The following CFAP221 variants were observed in gnomAD, a reference collection of about 807,000 sequenced individuals.
The protein encoded by CFAP221 is cilia and flagella associated protein 221, also known as cilia- and flagella-associated protein 221.
A neutral mutation model predicts 113.1 loss-of-function variants in CFAP221; 97 were observed. The ratio of observed to expected loss-of-function variants is 0.86; its 90% CI spans 0.73 to 1.02. The LOEUF is 1.02. CFAP221 is among the 50% of genes least tolerant of loss of function. The pLI is 0.00. For missense variants in CFAP221, 1,025 were observed against 1,013.4 expected (o/e 1.01, Z -0.16); for synonymous variants, 331 against 354.4 (o/e 0.93, Z 0.74).
At chr2:119,643,491 T>C (rs1416799991) in intron 21 of CFAP221, among the ~76,000 whole-genome samples, 1 of 152,196 alleles carries the variant, frequency 6.6e-6, no homozygotes, top group Admixed American at 6.5e-5. Flanking sequence ...CCAGAAGAAC[T>C]TTGGGAACTG....
chr2:119,627,440 A>T (rs1040866972), intron 15 of CFAP221, among the ~76,000 whole-genome samples: 2 of 151,828 alleles, frequency 1.3e-5, no homozygotes, highest in African/African-American at 4.8e-5. Flanking sequence ...TATGAATTAT[A>T]GTTTTTTGGA....
intron 2 of CFAP221, among the ~76,000 whole-genome samples, chr2:119,547,825 G>A (rs1265617043): frequency 3.3e-5 from 5 of 152,102 alleles, no homozygotes; most frequent in Non-Finnish European, 5.9e-5. Context: ...AAAGGGATGG[G>A]GTGAAGGTGT....
rs550514366 is a variant in CFAP221 at position 119,627,856 on chromosome 2, G to T, written c.1650+70G>T. The T allele has an allele frequency of 7.7e-5, 122 of 1,581,006 alleles. 1 individual carries two copies. The South Asian group carries it at 1.2e-3, about 16-fold the overall frequency. On this transcript the variant is annotated intron_variant, in intron 16 of 23. Transcript: ENST00000413369. ...ATCGTGTTGGGCAGATACAAGGCAA[G>T]CCCTACCTCAGTCTCAGTCCCTTCA...
In CFAP221 at chr2:119,651,308, T is replaced by G. The variant is rs531608996; in HGVS notation, c.2319-666T>G. On this transcript the variant is annotated intron_variant, in intron 22 of 23. Coordinates refer to ENST00000413369, the MANE Select transcript of CFAP221 (RefSeq NM_001271049.2). ...GTGGCCCACCACCTGTATTTGTAAA[T>G]AAAGCATTATTGCAACACAACCACA... Among the ~76,000 whole-genome samples, 35 of 152,214 alleles carry G rather than the reference T, an allele frequency of 2.3e-4. 1 individual carries two copies. Among genetic ancestry groups the G allele is most frequent in the Admixed American group, 7.2e-4 (11 of 15,286 alleles).
At chr2:119,627,295 A>C (rs1686379161) in intron 15 of CFAP221, among the ~76,000 whole-genome samples, 2 of 152,146 alleles carry the variant, frequency 1.3e-5, no homozygotes, top group African/African-American at 4.8e-5. Context: ...TCTGATGTTG[A>C]AGTTTCTAAT....
At chr2:119,572,569 TA>T in intron 6 of CFAP221, 1 of 701,274 alleles carries the variant, frequency 1.4e-6, no homozygotes, top group East Asian at 2.7e-5. Flanking sequence ...TGGTACCAGA[TA>T]ACTAGTTGAA....
At chr2:119,613,471 A>G (rs1381057630) in intron 13 of CFAP221, among the ~76,000 whole-genome samples, 2 of 152,250 alleles carry the variant, frequency 1.3e-5, no homozygotes, top group African/African-American at 4.8e-5. Flanking sequence ...TGAAATCCAG[A>G]CAGAGTTTCC....
chr2:119,555,627 A>G (rs1680738271), intron 3 of CFAP221, among the ~76,000 whole-genome samples: 1 of 152,216 alleles, frequency 6.6e-6, no homozygotes, highest in South Asian at 2.1e-4. Context: ...AAAGTATTAA[A>G]AAAAAGACAG....
chr2:119,620,388 A>T (rs1207657625), intron 14 of CFAP221, among the ~76,000 whole-genome samples: 2 of 152,156 alleles, frequency 1.3e-5, no homozygotes, highest in Non-Finnish European at 2.9e-5. Context: ...CCAACAGCGG[A>T]CCTCTCTGCA....
chr2:119,552,833 A>G lies in CFAP221; in HGVS notation c.240+3648A>G, dbSNP rs1680523630. On this transcript the variant is annotated intron_variant, in intron 3 of 23. Transcript: ENST00000413369. ...TATTTCTTTAATAAGAAATAAAGAG[A>G]AATATTTCTTTCTTTAATAAGAAAT... Among the ~76,000 whole-genome samples, 2 of 149,504 alleles carry G rather than the reference A, an allele frequency of 1.3e-5. 1 individual carries two copies. Among genetic ancestry groups the G allele is most frequent in the African/African-American group, 4.9e-5 (2 of 41,002 alleles).
chr2:119,565,955 A>G (rs1411127278), intron 6 of CFAP221, among the ~76,000 whole-genome samples: 1 of 152,218 alleles, frequency 6.6e-6, no homozygotes, highest in East Asian at 1.9e-4. Flanking sequence ...ACAAACCTTT[A>G]TTGAATGCCT....
At chr2:119,592,471 G>T (rs1683664162) in intron 7 of CFAP221, among the ~76,000 whole-genome samples, 2 of 152,186 alleles carry the variant, frequency 1.3e-5, no homozygotes, top group Non-Finnish European at 2.9e-5. Flanking sequence ...TCCCGGCTTT[G>T]TCGTACCCTT....
chr2:119,608,683 T>C, intron 12 of CFAP221, 94 bp downstream of exon 12: 1 of 1,073,770 alleles, frequency 9.3e-7, no homozygotes, highest in Non-Finnish European at 1.4e-6. Flanking sequence ...AAACCCACAG[T>C]TAAGTTGGGA....
chr2:119,546,275 G>A lies in CFAP221; in HGVS notation c.139+5G>A. The A allele has an allele frequency of 3.3e-6, 5 of 1,532,946 alleles. No homozygotes were observed. The highest frequency in any genetic ancestry group is 4.4e-6 in the Non-Finnish European group (5 of 1,145,936). 95.0% of individuals were successfully genotyped at this position (1,532,946 alleles called of 1,614,324 possible). ...CTAATCACCTCCTAGAATCAAGTAA[G>A]TGGCTAGAAGACAGATTTGCTTTAC... On this transcript the variant is annotated splice_donor_5th_base_variant and intron_variant, in intron 2 of 23. Transcript: ENST00000413369.
At chr2:119,641,199 T>C (rs1687466977) in intron 21 of CFAP221, among the ~76,000 whole-genome samples, 1 of 152,198 alleles carries the variant, frequency 6.6e-6, no homozygotes. Flanking sequence ...GGCTTTCCCA[T>C]GTGCCGTCCC....
intron 19 of CFAP221, among the ~76,000 whole-genome samples, chr2:119,633,811 AT>A (rs1558982484): frequency 6.6e-6 from 1 of 152,254 alleles, no homozygotes; most frequent in Admixed American, 6.5e-5. Context: ...TATCAAAAAA[AT>A]AAAACACAGT....
At chr2:119,627,859 C>T in intron 16 of CFAP221, 73 bp downstream of exon 16, 1 of 1,569,668 alleles carries the variant, frequency 6.4e-7, no homozygotes, top group Non-Finnish European at 8.7e-7. Context: ...AAGGCAAGCC[C>T]TACCTCAGTC....
Position 119,646,983 on chromosome 2 carries a change from C to A in CFAP221, c.2251C>A (p.Leu751Ile). 1 of 1,613,862 alleles carries A rather than the reference C, an allele frequency of 6.2e-7. No individual in the cohort carries two copies. The highest frequency in any genetic ancestry group is 1.1e-5 in the South Asian group (1 of 91,076). The part of the protein sequence containing the change: ...KSCDSFNSFM[L>I]PIDVPAILDA... ...CTGCGATTCCTTCAATTCATTTATG[C>A]TTCCGATAGACGTCCCTGCCATCCT... The change falls in exon 22 of 24, where the codon CTT (leucine) becomes ATT (isoleucine). Residue 751 changes from leucine to isoleucine, a missense_variant. Coordinates refer to ENST00000413369, the MANE Select transcript of CFAP221 (RefSeq NM_001271049.2).
At chr2:119,572,784 G>A (rs1383616729) in intron 6 of CFAP221, 18 of 534,576 alleles carry the variant, frequency 3.4e-5, no homozygotes, top group African/African-American at 1.1e-4. Flanking sequence ...GGGCAAGGCC[G>A]CCATGGGCTC....
Sources: allele counts gnomAD v4.1 joint callset (sites outside exome capture counted in the v4.1 genomes callset), GRCh38; gene constraint gnomAD v4.1.1; transcripts MANE v1.5; gene names NCBI Gene and HGNC (gene_info 2026-07-23, HGNC 2026-07-21).